The following ZSWIM9 variants were observed in gnomAD, a reference collection of about 807,000 sequenced individuals.
ZSWIM9 encodes the protein uncharacterized protein ZSWIM9.
ZSWIM9 carries 11 observed loss-of-function variants against 25.0 expected under a neutral mutation model. That is an observed-to-expected ratio of 0.44 (90% confidence interval 0.28 to 0.73). The LOEUF (loss-of-function observed/expected upper bound fraction) is 0.73. Among genes scored for constraint, ZSWIM9 ranks in the 30% least tolerant of loss-of-function variants. The pLI, the probability that ZSWIM9 is intolerant of heterozygous loss-of-function variation, is 0.16. For synonymous variants in ZSWIM9, 562 were observed against 582.1 expected (o/e 0.97, Z 0.50); for missense variants, 1,070 against 1,296.5 (o/e 0.83, Z 2.68).
intron 3 of ZSWIM9, among the ~76,000 whole-genome samples, chr19:48,189,161 G>C (rs1296744594): frequency 6.6e-6 from 1 of 152,228 alleles, no homozygotes; most frequent in African/African-American, 2.4e-5. Flanking sequence ...TCCTGCAGAT[G>C]TAGTTGCACA....
At chr19:48,187,981 T>TAGATAGAC (rs1296247387) in intron 3 of ZSWIM9, among the ~76,000 whole-genome samples, 1 of 147,558 alleles carries the variant, frequency 6.8e-6, no homozygotes. Flanking sequence ...GATAGATAGA[T>TAGATAGAC]AGATAGACAG....
At chr19:48,185,137 CTTTT>C (rs34561252) in intron 3 of ZSWIM9, among the ~76,000 whole-genome samples, 4 of 124,318 alleles carry the variant, frequency 3.2e-5, no homozygotes, top group African/African-American at 9.2e-5. Context: ...TGCTTTCATA[CTTTT>C]TTTTTTTTTT....
Position 48,182,913 on chromosome 19 carries a change from C to G in ZSWIM9, c.588+146C>G. Reference sequence around the variant, plus strand: ...GTTCATTCATTCAATAAGTACTTACCGAGGCATTGGGGATGCAGCAGCAAA... The same window carrying G: ...GTTCATTCATTCAATAAGTACTTACGGAGGCATTGGGGATGCAGCAGCAAA... On this transcript the variant is annotated intron_variant, in intron 3 of 3. Coordinates refer to ENST00000614654, the MANE Select transcript of ZSWIM9 (RefSeq NM_199341.4). This position sits in a 1 kb window ranked among gnomAD's most constrained non-coding sequence, Gnocchi z 4.6. 11 of 678,580 alleles carry G rather than the reference C, an allele frequency of 1.6e-5. No individual in the cohort carries two copies. The highest frequency in any genetic ancestry group is 2.4e-5 in the Non-Finnish European group (10 of 408,744). 42.0% of individuals were successfully genotyped at this position (678,580 alleles called of 1,614,324 possible).
intron 2 of ZSWIM9, among the ~76,000 whole-genome samples, chr19:48,176,686 G>T (rs1453186837): frequency 6.6e-6 from 1 of 152,052 alleles, no homozygotes; most frequent in Non-Finnish European, 1.5e-5. Flanking sequence ...CACCCAAGAG[G>T]TTTTTGGGAG....
At chr19:48,174,321 C>T (rs987031610) in intron 2 of ZSWIM9, among the ~76,000 whole-genome samples, 5 of 152,030 alleles carry the variant, frequency 3.3e-5, no homozygotes, top group African/African-American at 9.7e-5. Context: ...GGGGTTATCA[C>T]GATACCCGCC....
At chr19:48,191,071 G>A (rs2037087075) in intron 3 of ZSWIM9, among the ~76,000 whole-genome samples, 1 of 145,996 alleles carries the variant, frequency 6.8e-6, no homozygotes, top group African/African-American at 2.6e-5. Flanking sequence ...TGTTGTGTGA[G>A]AAAGTGCAGT....
intron 2 of ZSWIM9, among the ~76,000 whole-genome samples, chr19:48,179,470 G>A (rs1023175467): frequency 6.6e-6 from 1 of 152,116 alleles, no homozygotes; most frequent in Non-Finnish European, 1.5e-5. Context: ...CACTGCACCC[G>A]GCCCTATTTC....
chr19:48,175,167 ACTATGTGCAGGTACTGTCCCAAGTG>A (rs1237128258), intron 2 of ZSWIM9, among the ~76,000 whole-genome samples: 1 of 152,154 alleles, frequency 6.6e-6, no homozygotes, highest in Non-Finnish European at 1.5e-5. Context: ...CACTAGGTTT[ACTATGTGCAGGTACTGTCCCAAGTG>A]CTCTACAAAT....
intron 3 of ZSWIM9, among the ~76,000 whole-genome samples, chr19:48,187,400 TTAATTATATATTA>T (rs1184974285): frequency 8.6e-5 from 9 of 104,238 alleles, no homozygotes; most frequent in African/African-American, 2.8e-4. Context: ...ATATATTATA[TTAATTATATATTA>T]TAATTATATA....
At chr19:48,172,156 A>G (rs1461326178) in intron 2 of ZSWIM9, 79 bp downstream of exon 2, 2 of 1,341,776 alleles carry the variant, frequency 1.5e-6, no homozygotes, top group Non-Finnish European at 2.0e-6. Flanking sequence ...CGGGCAGAGA[A>G]CACCCCACCC....
Position 48,195,473 on chromosome 19 carries a change from G to C in ZSWIM9, c.1409G>C (p.Arg470Thr), listed in dbSNP as rs188005297. The change falls in exon 4 of 4, where the codon AGG becomes ACG. Residue 470 changes from arginine (R) to threonine (T), a missense_variant. Physicochemically the swap from Arg to Thr is moderately conservative, Grantham distance 71 (BLOSUM62 -1). Coordinates refer to ENST00000614654, the MANE Select transcript of ZSWIM9 (RefSeq NM_199341.4). The surrounding 1 kb of genome is among the most constrained non-coding windows in gnomAD (Gnocchi z 5.8). Reference sequence around the variant, plus strand: ...GCCCAGGGGGAGAACGAGAGGGTGAGGGGCCTGGAGACAGGCGACTGGGGA... The same window carrying C: ...GCCCAGGGGGAGAACGAGAGGGTGACGGGCCTGGAGACAGGCGACTGGGGA... ...RGAQGENERV[R>T]GLETGDWGGA... The C allele has an allele frequency of 2.8e-6, 4 of 1,419,072 alleles. No homozygotes were observed. In the Middle Eastern group the frequency reaches 5.5e-4, roughly 196 times the overall value. The allele number at this position is 1,419,072 out of a possible 1,614,324, so 87.9% of individuals were successfully genotyped here.
chr19:48,187,235 T>C (rs2037022592), intron 3 of ZSWIM9, among the ~76,000 whole-genome samples: 1 of 147,306 alleles, frequency 6.8e-6, no homozygotes, highest in Non-Finnish European at 1.5e-5. Flanking sequence ...AAAGATGTAA[T>C]TGAGGTTCAA....
chr19:48,197,451 T>G lies in ZSWIM9; in HGVS notation c.*624T>G. 1.7e-6 allele frequency: 1 copy of G among 592,156 alleles called. No homozygotes were observed. Among genetic ancestry groups the G allele is most frequent in the Non-Finnish European group, 3.0e-6 (1 of 332,102 alleles). The allele number at this position is 592,156 out of a possible 1,614,324, so 36.7% of individuals were successfully genotyped here. A position where few individuals can be genotyped will look rare whatever the true frequency, so the allele number is the denominator to read the frequency against. On this transcript the variant is annotated 3_prime_UTR_variant, in exon 4 of 4. Transcript: ENST00000614654. ...GTGTGGGAGACGGGTAGAGACGAAA[T>G]GCAAGGGGCGTGGTTTTGGTTTTTC...
At chr19:48,186,907 T>C (rs1034136331) in intron 3 of ZSWIM9, 3 of 152,228 alleles carry the variant, frequency 2.0e-5, no homozygotes, top group African/African-American at 7.2e-5. Flanking sequence ...TGTTTCACCC[T>C]GTCTACAGAA....
At chr19:48,191,493 C>T (rs745702451) in intron 3 of ZSWIM9, among the ~76,000 whole-genome samples, 19 of 152,246 alleles carry the variant, frequency 1.2e-4, no homozygotes, top group Admixed American at 7.9e-4. Flanking sequence ...GCGTAAGCCA[C>T]TGTGCCCAGC....
chr19:48,188,194 G>C (rs536832256), intron 3 of ZSWIM9, among the ~76,000 whole-genome samples: 23 of 152,120 alleles, frequency 1.5e-4, no homozygotes, highest in African/African-American at 4.1e-4. Flanking sequence ...GGGCAAGACT[G>C]GGGGGCGACT....
chr19:48,194,443 T>C lies in ZSWIM9; in HGVS notation c.589-210T>C, dbSNP rs1198519517. ...CACATAGCCGTTAGACTGTGGTACC[T>C]GGATCTCAAACCCAGGCAATCCGGC... On this transcript the variant is annotated intron_variant, in intron 3 of 3. Transcript: ENST00000614654. This position sits in a 1 kb window ranked among gnomAD's most constrained non-coding sequence, Gnocchi z 6.0. Among the ~76,000 whole-genome samples the C allele has an allele frequency of 2.0e-5, 3 of 152,236 alleles. No homozygotes were observed. Among genetic ancestry groups the C allele is most frequent in the African/African-American group, 7.2e-5 (3 of 41,466 alleles).
chr19:48,193,232 A>C (rs1016271497), intron 3 of ZSWIM9: 5 of 154,724 alleles, frequency 3.2e-5, no homozygotes, highest in East Asian at 1.9e-4. Flanking sequence ...AGGCTCATTG[A>C]GGAGAGGTCA....
chr19:48,182,272 A>G lies in ZSWIM9; in HGVS notation c.276-183A>G, dbSNP rs1439129385. On this transcript the variant is annotated intron_variant, in intron 2 of 3. Transcript: ENST00000614654. This position sits in a 1 kb window ranked among gnomAD's most constrained non-coding sequence, Gnocchi z 4.6. Reference sequence around the variant, plus strand: ...AGGACCTTCCTTGTAACCTATGAGGAAACTGAGGCATAGAGACTTGAAGTG... The same window carrying G: ...AGGACCTTCCTTGTAACCTATGAGGGAACTGAGGCATAGAGACTTGAAGTG... The G allele has an allele frequency of 3.3e-6, 2 of 602,152 alleles. No homozygotes were observed. The highest frequency in any genetic ancestry group is 2.9e-6 in the Non-Finnish European group (1 of 342,220). The allele number at this position is 602,152 out of a possible 1,614,324, so 37.3% of individuals were successfully genotyped here. A position where few individuals can be genotyped will look rare whatever the true frequency, so the allele number is the denominator to read the frequency against.
Sources: allele counts gnomAD v4.1 joint callset (sites outside exome capture counted in the v4.1 genomes callset), GRCh38; gene constraint gnomAD v4.1.1; non-coding constraint Gnocchi (gnomAD v3.1); transcripts MANE v1.5; gene names NCBI Gene and HGNC (gene_info 2026-07-23, HGNC 2026-07-21).